HERC3: variants seen among roughly 807,000 people sequenced by gnomAD.
HERC3 encodes the protein HECT and RLD domain containing E3 ubiquitin protein ligase 3.
A neutral mutation model predicts 129.9 loss-of-function variants in HERC3; 58 were observed. The ratio of observed to expected loss-of-function variants is 0.45; its 90% CI spans 0.36 to 0.56. The LOEUF (loss-of-function observed/expected upper bound fraction) is 0.56. Ranked by LOEUF, HERC3 falls within the 20% of genes least tolerant of loss-of-function variation. The probability of loss-of-function intolerance (pLI) is 0.00; values close to 1 mark genes in which losing one functional copy is unlikely to be tolerated. For synonymous variants in HERC3, 430 were observed against 451.0 expected (o/e 0.95, Z 0.59); for missense variants, 835 against 1,244.2 (o/e 0.67, Z 4.95).
chr4:88,532,775 A>G, the HERC3 span, among the ~76,000 whole-genome samples: 1 of 152,290 alleles, frequency 6.6e-6, no homozygotes, highest in East Asian at 1.9e-4. Flanking sequence ...CATCCTCTGG[A>G]CGTAGAGTTG....
the HERC3 span, among the ~76,000 whole-genome samples, chr4:88,525,534 A>G: frequency 6.6e-6 from 1 of 152,220 alleles, no homozygotes; most frequent in Admixed American, 6.5e-5. Flanking sequence ...GATCTCTATC[A>G]ACTGGGTTTT....
At chr4:88,533,723 T>C in the HERC3 span, among the ~76,000 whole-genome samples, 1 of 152,242 alleles carries the variant, frequency 6.6e-6, no homozygotes, top group Non-Finnish European at 1.5e-5. Context: ...ATGATTCTAA[T>C]CTAGGCCTCA....
intron 4 of HERC3, among the ~76,000 whole-genome samples, chr4:88,650,218 A>C (rs1427151901): frequency 6.6e-6 from 1 of 152,154 alleles, no homozygotes; most frequent in Non-Finnish European, 1.5e-5. Flanking sequence ...ACTGTACTTT[A>C]TTTATTCTAG....
chr4:88,661,566 A>G (rs1212231060), intron 10 of HERC3, among the ~76,000 whole-genome samples: 6 of 152,236 alleles, frequency 3.9e-5, no homozygotes, highest in Admixed American at 1.3e-4. Flanking sequence ...ATAAAGCACC[A>G]TCAACCTTTC....
chr4:88,693,082 T>C (rs532027978), intron 23 of HERC3: 38 of 981,524 alleles, frequency 3.9e-5, no homozygotes, highest in Non-Finnish European at 4.6e-5. Context: ...AGAGTACTCA[T>C]GAATGCCCTT....
At chr4:88,545,824 TA>T in the HERC3 span, among the ~76,000 whole-genome samples, 8 of 152,034 alleles carry the variant, frequency 5.3e-5, no homozygotes, top group South Asian at 6.2e-4. Context: ...AATCTGAACT[TA>T]AAAAAAATTA....
intron 2 of HERC3, among the ~76,000 whole-genome samples, chr4:88,601,283 G>A (rs1054290735): frequency 3.3e-5 from 5 of 152,104 alleles, no homozygotes; most frequent in Non-Finnish European, 5.9e-5. Flanking sequence ...TTACAATAAG[G>A]CAGTTTTAAA....
chr4:88,622,239 T>C (rs763001844), intron 3 of HERC3, among the ~76,000 whole-genome samples: 8 of 152,228 alleles, frequency 5.3e-5, no homozygotes, highest in Non-Finnish European at 1.2e-4. Flanking sequence ...GATGATACGA[T>C]ATGTGGTCTT....
chr4:88,690,913 G>C (rs1264023565), intron 23 of HERC3, among the ~76,000 whole-genome samples: 1 of 152,146 alleles, frequency 6.6e-6, no homozygotes, highest in East Asian at 1.9e-4. Context: ...AACACAGTTT[G>C]TTTAGGGTGA....
At chr4:88,669,307 A>G (rs146335486) in intron 14 of HERC3, among the ~76,000 whole-genome samples, 1 of 152,292 alleles carries the variant, frequency 6.6e-6, no homozygotes, top group Non-Finnish European at 1.5e-5. Flanking sequence ...GGCTGAGTTT[A>G]TTTCCAACGA....
At chr4:88,652,672 G>A (rs1729420387) in intron 5 of HERC3, among the ~76,000 whole-genome samples, 197 bp from the exon 6 acceptor site, 2 of 152,326 alleles carry the variant, frequency 1.3e-5, no homozygotes, top group East Asian at 1.9e-4. Context: ...AGGGCAGTAA[G>A]ACTCAGCTTA....
chr4:88,666,907 A>G (rs1401595860), intron 12 of HERC3, among the ~76,000 whole-genome samples: 1 of 152,180 alleles, frequency 6.6e-6, no homozygotes, highest in Non-Finnish European at 1.5e-5. Context: ...AAAGGCTTTC[A>G]ACAAGGAAGT....
At chr4:88,693,151 A>G (rs1428327377) in intron 23 of HERC3, 1 of 984,956 alleles carries the variant, frequency 1.0e-6, no homozygotes, top group Non-Finnish European at 1.2e-6. Context: ...TTCACTGTTG[A>G]ATATTTGGCT....
chr4:88,609,359 A>G (rs1370082356), intron 3 of HERC3, among the ~76,000 whole-genome samples: 2 of 152,208 alleles, frequency 1.3e-5, no homozygotes, highest in Non-Finnish European at 2.9e-5. Flanking sequence ...ATACTCTTTC[A>G]TAGGTAGAGT....
At chr4:88,588,938 T>C (rs1721594628), upstream of HERC3, among the ~76,000 whole-genome samples, 1 of 152,162 alleles carries the variant, frequency 6.6e-6, no homozygotes, top group Non-Finnish European at 1.5e-5. Flanking sequence ...TCAAAAGTTA[T>C]GGTTAGTTTA....
At chr4:88,662,881 T>C (rs570416818) in intron 11 of HERC3, among the ~76,000 whole-genome samples, 3 of 152,176 alleles carry the variant, frequency 2.0e-5, no homozygotes, top group Non-Finnish European at 4.4e-5. Flanking sequence ...CCCATGGGTT[T>C]TAGTGTATGC....
chr4:88,642,707 A>G (rs77407230), intron 3 of HERC3, among the ~76,000 whole-genome samples: 2 of 152,172 alleles, frequency 1.3e-5, no homozygotes, highest in Admixed American at 6.5e-5. Flanking sequence ...AATCTCAACC[A>G]TGAGGGCTTT....
intron 4 of HERC3, 45 bp from the exon 5 acceptor site, chr4:88,651,967 T>C (rs1729334160): frequency 1.7e-6 from 2 of 1,202,954 alleles, no homozygotes; most frequent in Non-Finnish European, 2.5e-6. Flanking sequence ...TAATTGTGTT[T>C]GTGTGTGAAT....
chr4:88,586,507 T>C, the HERC3 span, among the ~76,000 whole-genome samples: 3 of 151,966 alleles, frequency 2.0e-5, no homozygotes, highest in African/African-American at 4.8e-5. Flanking sequence ...TACAGGCATG[T>C]GCCACCATGC....
Sources: gnomAD v4.1 joint callset for allele counts (sites outside exome capture counted in the v4.1 genomes callset) on GRCh38, gnomAD v4.1.1 for gene constraint, MANE v1.5 for transcripts, NCBI Gene and HGNC (gene_info 2026-07-23, HGNC 2026-07-21) for gene names.